The following SCN1B variants were observed in gnomAD, a reference collection of about 807,000 sequenced individuals.
SCN1B encodes sodium voltage-gated channel beta subunit 1, also known as sodium channel regulatory subunit beta-1.
A neutral mutation model predicts 25.7 loss-of-function variants in SCN1B; 11 were observed. The ratio of observed to expected loss-of-function variants is 0.43; its 90% CI spans 0.27 to 0.71. SCN1B has a LOEUF of 0.71. Ranked by LOEUF, SCN1B falls within the 30% of genes least tolerant of loss-of-function variation. The pLI, the probability that SCN1B is intolerant of heterozygous loss-of-function variation, is 0.21. For missense variants in SCN1B, 224 were observed against 291.5 expected (o/e 0.77, Z 1.69); for synonymous variants, 119 against 117.5 (o/e 1.01, Z -0.08).
intron 2 of SCN1B, 149 bp from the exon 3 acceptor site, chr19:35,033,350 C>A: frequency 6.6e-7 from 1 of 1,507,474 alleles, no homozygotes; most frequent in South Asian, 1.3e-5. Flanking sequence ...GCCCCCCACC[C>A]CTGTGCCCTC....
chr19:35,039,685 T>C lies in SCN1B; in HGVS notation c.641T>C (p.Val214Ala). 2 of 1,614,114 alleles carry C rather than the reference T, an allele frequency of 1.2e-6. No homozygotes were observed. Among genetic ancestry groups the C allele is most frequent in the Non-Finnish European group, 1.7e-6 (2 of 1,179,990 alleles). Reference sequence around the variant, plus strand: ...GAAAGCAAAGAGAACTGCACGGGCGTCCAGGTGGCCGAATAGCCCTGGTAA... The same window carrying C: ...GAAAGCAAAGAGAACTGCACGGGCGCCCAGGTGGCCGAATAGCCCTGGTAA... ...TSESKENCTG[V>A]QVAE Residue 214 changes from valine to alanine, a missense_variant, in exon 5 of 6, where the codon GTC becomes GCC. Transcript: ENST00000262631.
Position 35,039,705 on chromosome 19 carries a change from T to A in SCN1B, c.*4T>A. 6.2e-7 allele frequency: 1 copy of A among 1,614,064 alleles called. No individual in the cohort carries two copies. The highest frequency in any genetic ancestry group is 2.2e-5 in the East Asian group (1 of 44,864). On this transcript the variant is annotated splice_region_variant and 3_prime_UTR_variant, in exon 5 of 6. Coordinates refer to ENST00000262631, the MANE Select transcript of SCN1B (RefSeq NM_001037.5). ...GGGCGTCCAGGTGGCCGAATAGCCC[T>A]GGTAAGGCGGATGGGCTGGCAGAGG...
chr19:35,040,145 C>T lies in SCN1B; in HGVS notation c.*354C>T, dbSNP rs1476365060. 1.5e-5 allele frequency: 3 copies of T among 198,000 alleles called. No homozygotes were observed. In the Admixed American group the frequency reaches 1.6e-4, roughly 10 times the overall value. The allele number at this position is 198,000 out of a possible 1,614,324, so 12.3% of individuals were successfully genotyped here. ...GCACACATTGGCCGCTTCAGACACGCACTTCTGGGGCCAGCCCCTCCCCGC... is the reference window on the plus strand; with the variant it reads ...GCACACATTGGCCGCTTCAGACACGTACTTCTGGGGCCAGCCCCTCCCCGC... On this transcript the variant is annotated 3_prime_UTR_variant, in exon 6 of 6. Coordinates refer to ENST00000262631, the MANE Select transcript of SCN1B (RefSeq NM_001037.5).
chr19:35,038,468 A>G (rs985829443), intron 3 of SCN1B: 1 of 159,976 alleles, frequency 6.3e-6, no homozygotes, highest in Non-Finnish European at 1.4e-5. Flanking sequence ...CTCTCCAGCA[A>G]CCCTGTGAGA....
rs753994622 is a variant in SCN1B at position 35,032,577 on chromosome 19, C to A, written c.90C>A (p.Ala30=). ...GCVEVDSETE[A]VYGMTFKILC... is the part of the protein sequence containing the mutation. Reference sequence around the variant, plus strand: ...TGGAGGTGGACTCGGAGACCGAGGCCGTGTATGGGATGACCTTCAAAATTC... The same window carrying A: ...TGGAGGTGGACTCGGAGACCGAGGCAGTGTATGGGATGACCTTCAAAATTC... The change falls in exon 2 of 6, where the codon GCC becomes GCA. Residue 30 remains alanine, a synonymous_variant. Coordinates refer to ENST00000262631, the MANE Select transcript of SCN1B (RefSeq NM_001037.5). This position sits in a 1 kb window ranked among gnomAD's most constrained non-coding sequence, Gnocchi z 4.3. 1 of 1,614,080 alleles carries A rather than the reference C, an allele frequency of 6.2e-7. No individual in the cohort carries two copies. The highest frequency in any genetic ancestry group is 1.6e-4 in the Middle Eastern group (1 of 6,062).
In SCN1B at chr19:35,030,721, G is replaced by C; in HGVS notation, c.-100G>C. The C allele has an allele frequency of 3.5e-6, 1 of 288,768 alleles. No individual in the cohort carries two copies. The highest frequency in any genetic ancestry group is 6.5e-6 in the Non-Finnish European group (1 of 154,272). 17.9% of individuals were successfully genotyped at this position (288,768 alleles called of 1,614,324 possible). A position where few individuals can be genotyped will look rare whatever the true frequency, so the allele number is the denominator to read the frequency against. Reference sequence around the variant, plus strand: ...AGAGCCGCAGCTGCTGCGCCCGCGCGCTCCCGGGGACATTCTAACCGCCGC... The same window carrying C: ...AGAGCCGCAGCTGCTGCGCCCGCGCCCTCCCGGGGACATTCTAACCGCCGC... On this transcript the variant is annotated 5_prime_UTR_variant, in exon 1 of 6. Transcript: ENST00000262631.
At position 35,031,623 on chromosome 19, in the gene SCN1B, G is replaced by T. The variant is rs531577398; in HGVS notation, c.40+763G>T. 3.9e-5 allele frequency: 6 copies of T among 152,480 alleles called. No individual in the cohort carries two copies. The South Asian group carries it at 6.2e-4, about 16-fold the overall frequency. The allele number at this position is 152,480 out of a possible 1,614,324, so 9.4% of individuals were successfully genotyped here. A position where few individuals can be genotyped will look rare whatever the true frequency, so the allele number is the denominator to read the frequency against. On this transcript the variant is annotated intron_variant, in intron 1 of 5. Coordinates refer to ENST00000262631, the MANE Select transcript of SCN1B (RefSeq NM_001037.5). ...CCCCTGAGAGGGACAAAGATAGGAGGGACTGAGACAGAGGCCCTCAGGGAG... is the reference window on the plus strand; with the variant it reads ...CCCCTGAGAGGGACAAAGATAGGAGTGACTGAGACAGAGGCCCTCAGGGAG...
intron 1 of SCN1B, 51 bp downstream of exon 1, chr19:35,030,911 C>T: frequency 3.2e-6 from 1 of 312,706 alleles, no homozygotes; most frequent in Non-Finnish European, 5.1e-6. Flanking sequence ...GGGGCACTGG[C>T]GGGGCGGCGG....
chr19:35,034,133 G>C, intron 3 of SCN1B: 1 of 1,551,262 alleles, frequency 6.4e-7, no homozygotes, highest in Non-Finnish European at 8.7e-7. Context: ...TGAGGATTGA[G>C]CAGCTGCAGG....
chr19:35,039,180 C>A lies in SCN1B; in HGVS notation c.512C>A (p.Thr171Asn). 1 of 1,614,158 alleles carries A rather than the reference C, an allele frequency of 6.2e-7. No individual in the cohort carries two copies. The highest frequency in any genetic ancestry group is 8.5e-7 in the Non-Finnish European group (1 of 1,180,016). Residue 171 changes from threonine to asparagine, a missense_variant, in exon 4 of 6, where the codon ACC becomes AAC. This residue lies in a region of SCN1B where 126 missense variants were observed against 204.9 expected (regional missense o/e 0.61). Coordinates refer to ENST00000262631, the MANE Select transcript of SCN1B (RefSeq NM_001037.5). The part of the protein sequence containing the change: ...IMMYVLIVVL[T>N]IWLVAEMIYC... ...ATGTATGTGCTCATTGTGGTGTTGA[C>A]CATATGGCTCGTGGCAGAGATGATT... is the stretch of plus-strand genomic sequence containing the variant.
At chr19:35,034,343 C>T (rs1355254378) in intron 3 of SCN1B, 24 of 610,652 alleles carry the variant, frequency 3.9e-5, no homozygotes, top group African/African-American at 2.4e-4. Flanking sequence ...ACCTCTGGGG[C>T]GGGCCTAGGG....
rs779658201 is a variant in SCN1B at position 35,033,839 on chromosome 19, G to T, written c.448+100G>T. On this transcript the variant is annotated intron_variant, in intron 3 of 5. Coordinates refer to ENST00000262631, the MANE Select transcript of SCN1B (RefSeq NM_001037.5). Reference sequence around the variant, plus strand: ...GACAGGACAGGCTGGCTCTGTGCCTGGCCAGCCAACCGCCCACAGCAGCGG... The same window carrying T: ...GACAGGACAGGCTGGCTCTGTGCCTTGCCAGCCAACCGCCCACAGCAGCGG... 5.0e-6 allele frequency: 8 copies of T among 1,611,914 alleles called. No homozygotes were observed. Among genetic ancestry groups the T allele is most frequent in the Non-Finnish European group, 6.8e-6 (8 of 1,179,132 alleles).
chr19:35,038,786 T>C, intron 3 of SCN1B: 1 of 416,754 alleles, frequency 2.4e-6, no homozygotes, highest in South Asian at 2.1e-5. Context: ...AACAGAGGCC[T>C]AGAGACATTG....
In SCN1B at chr19:35,039,850, C is replaced by A; in HGVS notation, c.*59C>A. The stretch of plus-strand genomic sequence containing the variant: ...AGCCGTAATGGGGACTCTCCAGGCA[C>A]CGCCTGCCCCCAGCGTGGGGGTGGC... On this transcript the variant is annotated 3_prime_UTR_variant, in exon 6 of 6. Transcript: ENST00000262631. 1.2e-6 allele frequency: 1 copy of A among 810,848 alleles called. No homozygotes were observed. Among genetic ancestry groups the A allele is most frequent in the South Asian group, 1.6e-5 (1 of 61,386 alleles). The allele number at this position is 810,848 out of a possible 1,614,324, so 50.2% of individuals were successfully genotyped here.
chr19:35,030,944 C>A (rs898441406), intron 1 of SCN1B, 84 bp downstream of exon 1: 17 of 225,570 alleles, frequency 7.5e-5, no homozygotes, highest in African/African-American at 4.0e-4. Flanking sequence ...GGACACGGGG[C>A]AGCCGCGCGA....
chr19:35,034,307 C>T (rs2064235298), intron 3 of SCN1B: 3 of 819,746 alleles, frequency 3.7e-6, no homozygotes, highest in East Asian at 2.8e-5. Flanking sequence ...CCGGGGGAGC[C>T]GCGCTGGCCT....
intron 1 of SCN1B, 92 bp downstream of exon 1, chr19:35,030,952 C>G (rs1002137782): frequency 4.7e-6 from 1 of 211,478 alleles, no homozygotes; most frequent in African/African-American, 2.4e-5. Context: ...GGCAGCCGCG[C>G]GAGGGCCACC....
At position 35,039,938 on chromosome 19, in the gene SCN1B, A is replaced by G. The variant is rs1334212182; in HGVS notation, c.*147A>G. The G allele has an allele frequency of 1.7e-6, 1 of 584,318 alleles. No individual in the cohort carries two copies. The highest frequency in any genetic ancestry group is 1.9e-5 in the African/African-American group (1 of 51,432). 36.2% of individuals were successfully genotyped at this position (584,318 alleles called of 1,614,324 possible). A position where few individuals can be genotyped will look rare whatever the true frequency, so the allele number is the denominator to read the frequency against. On this transcript the variant is annotated 3_prime_UTR_variant, in exon 6 of 6. Transcript: ENST00000262631. ...CGGAGCCACTGGGGTGGGAGGGGGC[A>G]GGGGGCTTGGCTCGCACCCCCACTT...
At chr19:35,031,257 A>C (rs1055065083) in intron 1 of SCN1B, 2 of 149,508 alleles carry the variant, frequency 1.3e-5, no homozygotes, top group Non-Finnish European at 3.0e-5. Flanking sequence ...GACGGGAGGA[A>C]GGGGGCGAGA....
Sources: allele counts gnomAD v4.1 joint callset, GRCh38; gene constraint gnomAD v4.1.1; regional missense constraint gnomAD v4.1.1; non-coding constraint Gnocchi (gnomAD v3.1); transcripts MANE v1.5; gene names NCBI Gene and HGNC (gene_info 2026-07-23, HGNC 2026-07-21).